The following C6 variants were observed in gnomAD, a reference collection of about 807,000 sequenced individuals.
C6 encodes complement C6.
C6 carries 101 observed loss-of-function variants against 112.9 expected under a neutral mutation model. The observed-to-expected ratio is 0.89, with a 90% CI of 0.76 to 1.06. The LOEUF (loss-of-function observed/expected upper bound fraction) is 1.06, where lower values mean the gene tolerates loss of function less well. C6 is among the 50% of genes least tolerant of loss of function. The pLI is 0.00. For synonymous variants in C6, 431 were observed against 384.1 expected (o/e 1.12, Z -1.43); for missense variants, 1,202 against 1,104.6 (o/e 1.09, Z -1.25).
At chr5:41,244,817 ATCT>A (rs1206110675) in intron 1 of C6, among the ~76,000 whole-genome samples, 7 of 152,190 alleles carry the variant, frequency 4.6e-5, no homozygotes, top group African/African-American at 1.7e-4. Context: ...ATATTACCTT[ATCT>A]TCTTAATTTT....
At chr5:41,177,019 T>C (rs1748915555) in intron 7 of C6, among the ~76,000 whole-genome samples, 1 of 152,236 alleles carries the variant, frequency 6.6e-6, no homozygotes, top group African/African-American at 2.4e-5. Context: ...TGATTGCCAA[T>C]CATGGCTGCA....
At chr5:41,177,543 T>C (rs1182251392) in intron 7 of C6, among the ~76,000 whole-genome samples, 2 of 152,182 alleles carry the variant, frequency 1.3e-5, no homozygotes, top group South Asian at 2.1e-4. Flanking sequence ...TTTTAACAAA[T>C]TGTAGTAATA....
chr5:41,210,439 A>C (rs1433224612), intron 1 of C6, among the ~76,000 whole-genome samples: 1 of 152,190 alleles, frequency 6.6e-6, no homozygotes, highest in Non-Finnish European at 1.5e-5. Context: ...CAACCTACAG[A>C]ATGGGAGAAA....
chr5:41,195,693 G>A, intron 5 of C6, 99 bp downstream of exon 5: 1 of 1,277,870 alleles, frequency 7.8e-7, no homozygotes, highest in Non-Finnish European at 1.1e-6. Context: ...GTAGTAAGAA[G>A]TTAATGAGGA....
In C6 at chr5:41,196,641, A is replaced by C. The variant is rs1750642899; in HGVS notation, c.446-708T>G. ...ATATAATTAGTACAGATTTTATTAA[A>C]TATATTAAATATATCTACTATCTAT... On this transcript the variant is annotated intron_variant, in intron 4 of 17. Transcript: ENST00000337836. Among the ~76,000 whole-genome samples the C allele has an allele frequency of 2.0e-5, 3 of 151,026 alleles. No individual in the cohort carries two copies. The South Asian group carries it at 6.2e-4, about 31-fold the overall frequency.
intron 1 of C6, among the ~76,000 whole-genome samples, chr5:41,212,334 T>C (rs976190523): frequency 5.9e-5 from 9 of 152,094 alleles, no homozygotes; most frequent in African/African-American, 2.2e-4. Flanking sequence ...CTAATTTTTG[T>C]ATTTTTAGTG....
intron 7 of C6, 108 bp downstream of exon 7, chr5:41,181,251 G>T: frequency 1.0e-6 from 1 of 981,720 alleles, no homozygotes; most frequent in Non-Finnish European, 1.6e-6. Flanking sequence ...ATCTGTATTA[G>T]AAGTCATACT....
chr5:41,232,417 C>G (rs961890875), intron 1 of C6, among the ~76,000 whole-genome samples: 1 of 152,060 alleles, frequency 6.6e-6, no homozygotes, highest in African/African-American at 2.4e-5. Context: ...TTTGTCTTAA[C>G]CACATGGATT....
upstream of C6, among the ~76,000 whole-genome samples, chr5:41,213,751 A>T (rs371888210): frequency 1.3e-5 from 2 of 152,204 alleles, no homozygotes; most frequent in African/African-American, 4.8e-5. Flanking sequence ...TTAATTGCTT[A>T]AAATTGCTGC....
intron 16 of C6, among the ~76,000 whole-genome samples, chr5:41,149,695 C>A (rs1177692183): frequency 6.6e-6 from 1 of 152,088 alleles, no homozygotes; most frequent in African/African-American, 2.4e-5. Flanking sequence ...GTCTTTAAAA[C>A]CAAAATGAGA....
At chr5:41,164,705 C>A (rs1233248152) in intron 9 of C6, among the ~76,000 whole-genome samples, 1 of 152,096 alleles carries the variant, frequency 6.6e-6, no homozygotes, top group East Asian at 1.9e-4. Flanking sequence ...TTTGCAATGT[C>A]CTCTTGTTCC....
intron 6 of C6, among the ~76,000 whole-genome samples, chr5:41,181,898 AT>A (rs1451903414): frequency 6.6e-6 from 1 of 152,182 alleles, no homozygotes; most frequent in African/African-American, 2.4e-5. Context: ...AATGAAGGTT[AT>A]TTTTAGCATG....
intron 6 of C6, among the ~76,000 whole-genome samples, chr5:41,183,662 C>T (rs561552749): frequency 6.6e-6 from 1 of 152,156 alleles, no homozygotes; most frequent in South Asian, 2.1e-4. Flanking sequence ...ATTGTTCTAC[C>T]AAAAAGACAC....
chr5:41,199,297 T>G (rs1750833808), intron 4 of C6, among the ~76,000 whole-genome samples: 1 of 152,164 alleles, frequency 6.6e-6, no homozygotes, highest in African/African-American at 2.4e-5. Flanking sequence ...AACTATGGCC[T>G]GTAGGCTAAA....
intron 1 of C6, among the ~76,000 whole-genome samples, chr5:41,211,175 G>C (rs368079178): frequency 6.6e-6 from 1 of 152,052 alleles, no homozygotes; most frequent in African/African-American, 2.4e-5. Flanking sequence ...CTTATAGGTG[G>C]GAATTGAACA....
chr5:41,187,586 T>G (rs1486411335), intron 5 of C6, among the ~76,000 whole-genome samples: 1 of 152,080 alleles, frequency 6.6e-6, no homozygotes, highest in African/African-American at 2.4e-5. Flanking sequence ...AAGGATAGTT[T>G]GAAAGTTGTA....
intron 5 of C6, among the ~76,000 whole-genome samples, chr5:41,189,497 A>G (rs1037395527): frequency 6.6e-6 from 1 of 152,080 alleles, no homozygotes; most frequent in Non-Finnish European, 1.5e-5. Context: ...TTAATATTAC[A>G]TTTTTAAAAA....
intron 15 of C6, among the ~76,000 whole-genome samples, chr5:41,152,050 G>C (rs750206982): frequency 1.3e-5 from 2 of 151,906 alleles, no homozygotes; most frequent in Non-Finnish European, 2.9e-5. Flanking sequence ...GAAGGTGGAG[G>C]AGAGGAGAGG....
At chr5:41,234,964 CCTT>C (rs780899846) in intron 1 of C6, among the ~76,000 whole-genome samples, 4 of 151,034 alleles carry the variant, frequency 2.6e-5, no homozygotes. Flanking sequence ...TGAGATTTGT[CCTT>C]CTATTCACTG....
Sources: allele counts gnomAD v4.1 joint callset (sites outside exome capture counted in the v4.1 genomes callset), GRCh38; gene constraint gnomAD v4.1.1; transcripts MANE v1.5; gene names NCBI Gene and HGNC (gene_info 2026-07-23, HGNC 2026-07-21).